Variants in DCC observed in about 807,000 individuals in gnomAD.
The protein encoded by DCC is netrin receptor DCC.
In DCC, 58 loss-of-function variants were observed where a neutral mutation model predicts 172.5. The ratio of observed to expected loss-of-function variants is 0.34; its 90% confidence interval spans 0.27 to 0.42. The LOEUF (loss-of-function observed/expected upper bound fraction) is 0.42. DCC is among the 10% of genes least tolerant of loss of function. The probability of loss-of-function intolerance (pLI) is 1.00; values close to 1 mark genes in which losing one functional copy is unlikely to be tolerated. For missense variants in DCC, 1,740 were observed against 1,791.0 expected, an observed-to-expected ratio of 0.97 and a Z score of 0.51; for synonymous variants, 709 against 644.5, an observed-to-expected ratio of 1.10 and a Z score of -1.52.
chr18:53,215,542 T>C lies in DCC; in HGVS notation c.1862-6T>C, dbSNP rs932371420. 14 of 1,613,192 alleles carry C rather than the reference T, an allele frequency of 8.7e-6. No homozygotes were observed. The highest frequency in any genetic ancestry group is 1.1e-5 in the Non-Finnish European group (13 of 1,179,158). Reference sequence around the variant, plus strand: ...TAACTGTGACAATTTGTTTGATTCCTTTTAGTGCCAAGTGCCCCGCCTCAG... The same window carrying C: ...TAACTGTGACAATTTGTTTGATTCCCTTTAGTGCCAAGTGCCCCGCCTCAG... On this transcript the variant is annotated splice_region_variant and splice_polypyrimidine_tract_variant and intron_variant, in intron 11 of 28. Coordinates refer to ENST00000442544, the MANE Select transcript of DCC (RefSeq NM_005215.4).
chr18:52,863,919 A>C (rs776844026), intron 2 of DCC, among the ~76,000 whole-genome samples: 1 of 152,108 alleles, frequency 6.6e-6, no homozygotes, highest in African/African-American at 2.4e-5. Context: ...TACTTTATTA[A>C]GCTAACAATA....
chr18:52,676,322 G>T (rs568849406), intron 1 of DCC, among the ~76,000 whole-genome samples: 2 of 152,276 alleles, frequency 1.3e-5, no homozygotes, highest in South Asian at 4.1e-4. Flanking sequence ...ACTCGGGAAG[G>T]CATGCATCAT....
chr18:52,893,301 C>A (rs1240941829), intron 2 of DCC, among the ~76,000 whole-genome samples: 1 of 152,036 alleles, frequency 6.6e-6, no homozygotes, highest in Non-Finnish European at 1.5e-5. Flanking sequence ...GCCAGAGAAT[C>A]TCAGCAGGGC....
At chr18:52,580,377 A>G (rs1346642288) in intron 1 of DCC, among the ~76,000 whole-genome samples, 2 of 152,112 alleles carry the variant, frequency 1.3e-5, no homozygotes, top group African/African-American at 4.8e-5. Flanking sequence ...AGACTTCTGG[A>G]TAAGAGACTT....
intron 27 of DCC, among the ~76,000 whole-genome samples, chr18:53,504,095 A>ATATT: frequency 6.6e-6 from 1 of 152,354 alleles, no homozygotes; most frequent in East Asian, 1.9e-4. Flanking sequence ...CGTTTGATTT[A>ATATT]TATTTTATGG....
At chr18:53,170,262 G>A (rs2144440113) in intron 8 of DCC, among the ~76,000 whole-genome samples, 1 of 152,274 alleles carries the variant, frequency 6.6e-6, no homozygotes, top group Non-Finnish European at 1.5e-5. Flanking sequence ...GTGGAACTCA[G>A]GGAACTCCTA....
At chr18:53,232,529 A>C (rs59723594) in intron 12 of DCC, among the ~76,000 whole-genome samples, 6,641 of 152,218 alleles carry the variant, frequency 0.044, 461 homozygotes, top group African/African-American at 0.15. Flanking sequence ...TGTCTGACTC[A>C]CATGCAAGAC....
intron 21 of DCC, among the ~76,000 whole-genome samples, chr18:53,432,552 G>T (rs538164217): frequency 6.6e-6 from 1 of 152,216 alleles, no homozygotes; most frequent in East Asian, 1.9e-4. Context: ...CGAAATCAGT[G>T]CTTATGAAAT....
At chr18:52,643,239 A>G (rs1872957157) in intron 1 of DCC, among the ~76,000 whole-genome samples, 1 of 152,236 alleles carries the variant, frequency 6.6e-6, no homozygotes, top group Non-Finnish European at 1.5e-5. Context: ...GGTTCAGACA[A>G]GAAGATTTTC....
At chr18:53,264,061 C>G (rs1033192596) in intron 12 of DCC, among the ~76,000 whole-genome samples, 3 of 152,070 alleles carry the variant, frequency 2.0e-5, no homozygotes, top group Admixed American at 2.0e-4. Flanking sequence ...CTCTTACAAC[C>G]CACAAATCCC....
intron 1 of DCC, among the ~76,000 whole-genome samples, chr18:52,715,295 CT>C (rs10658253): frequency 1.4e-5 from 2 of 144,792 alleles, no homozygotes; most frequent in African/African-American, 2.5e-5. Flanking sequence ...TTTTTCTTTT[CT>C]TTTTTTTTTA....
intron 2 of DCC, chr18:52,754,182 C>T (rs1326585486): frequency 6.6e-6 from 1 of 152,142 alleles, no homozygotes; most frequent in Non-Finnish European, 1.5e-5. Flanking sequence ...ATGCACTCTC[C>T]TAGTGAGGGT....
chr18:52,384,140 C>A (rs188446907), intron 1 of DCC, among the ~76,000 whole-genome samples: 1 of 151,968 alleles, frequency 6.6e-6, no homozygotes, highest in African/African-American at 2.4e-5. Context: ...GTATAGTCAA[C>A]TTGTTTTTGA....
At chr18:52,894,119 C>A (rs1036507160) in intron 2 of DCC, among the ~76,000 whole-genome samples, 7 of 152,070 alleles carry the variant, frequency 4.6e-5, no homozygotes, top group Non-Finnish European at 1.0e-4. Flanking sequence ...ATTCCAGACC[C>A]AGCCATAGTC....
chr18:53,162,971 A>G (rs776544609), intron 8 of DCC, among the ~76,000 whole-genome samples: 7 of 152,208 alleles, frequency 4.6e-5, no homozygotes, highest in Non-Finnish European at 1.0e-4. Flanking sequence ...TTGATGCCTT[A>G]GCTGAAATGT....
intron 1 of DCC, among the ~76,000 whole-genome samples, chr18:52,413,780 GT>G (rs1986921739): frequency 6.6e-6 from 1 of 151,864 alleles, no homozygotes; most frequent in African/African-American, 2.4e-5. Flanking sequence ...GGAGCATCTA[GT>G]TTTGATGAGA....
At chr18:52,582,735 C>T (rs1000608969) in intron 1 of DCC, among the ~76,000 whole-genome samples, 9 of 152,114 alleles carry the variant, frequency 5.9e-5, no homozygotes, top group African/African-American at 2.2e-4. Flanking sequence ...TGTAAAGTTC[C>T]TCAAATGGGA....
intron 8 of DCC, among the ~76,000 whole-genome samples, chr18:53,161,701 TC>T (rs973499597): frequency 6.6e-6 from 1 of 152,066 alleles, no homozygotes; most frequent in Non-Finnish European, 1.5e-5. Flanking sequence ...ATTCCAGAGT[TC>T]CCCCCACTTT....
chr18:52,712,162 T>C (rs569612577), intron 1 of DCC, among the ~76,000 whole-genome samples: 1 of 152,250 alleles, frequency 6.6e-6, no homozygotes, highest in African/African-American at 2.4e-5. Flanking sequence ...GGTTTCACCA[T>C]GTTGGCCAGG....
Sources: gnomAD v4.1 joint callset for allele counts (sites outside exome capture counted in the v4.1 genomes callset) on GRCh38, gnomAD v4.1.1 for gene constraint, MANE v1.5 for transcripts, NCBI Gene and HGNC (gene_info 2026-07-23, HGNC 2026-07-21) for gene names.